The following ADGRB3 variants were observed in gnomAD, a reference collection of about 807,000 sequenced individuals.
The protein encoded by ADGRB3 is adhesion G protein-coupled receptor B3.
Under a neutral mutation model 193.4 loss-of-function variants are expected in ADGRB3, and 37 were observed. The observed-to-expected ratio is 0.19, with a 90% CI of 0.15 to 0.25. The LOEUF (loss-of-function observed/expected upper bound fraction) is 0.25. ADGRB3 is among the 10% of genes least tolerant of loss of function. The pLI is 1.00. For missense variants in ADGRB3, 1,637 were observed against 1,852.9 expected, an observed-to-expected ratio of 0.88 and a Z score of 2.14; for synonymous variants, 690 against 644.2, an observed-to-expected ratio of 1.07 and a Z score of -1.08.
chr6:69,141,805 T>C (rs1444705823), intron 17 of ADGRB3, among the ~76,000 whole-genome samples: 1 of 152,198 alleles, frequency 6.6e-6, no homozygotes, highest in African/African-American at 2.4e-5. Flanking sequence ...AATTAGTGTA[T>C]TTTAGTTATG....
intron 17 of ADGRB3, 116 bp downstream of exon 17, chr6:69,076,154 G>GAA (rs35445308): frequency 2.8e-3 from 1,914 of 689,400 alleles, no homozygotes; most frequent in South Asian, 4.3e-3. Flanking sequence ...TGCATTCAGA[G>GAA]AAAAAAAAAT....
At chr6:69,201,385 C>T (rs937019386) in intron 17 of ADGRB3, among the ~76,000 whole-genome samples, 1 of 151,856 alleles carries the variant, frequency 6.6e-6, no homozygotes, top group Non-Finnish European at 1.5e-5. Flanking sequence ...TACATATGGC[C>T]CTTTTGACTA....
chr6:68,793,141 G>A (rs1002245822), intron 3 of ADGRB3, among the ~76,000 whole-genome samples: 1 of 151,970 alleles, frequency 6.6e-6, no homozygotes, highest in Admixed American at 6.6e-5. Context: ...GCACATAATT[G>A]TAACTAAGTA....
intron 3 of ADGRB3, among the ~76,000 whole-genome samples, chr6:68,660,913 G>GA (rs1437049507): frequency 6.6e-6 from 1 of 150,812 alleles, no homozygotes; most frequent in Non-Finnish European, 1.5e-5. Flanking sequence ...ATGGCTGTCA[G>GA]AAAATCATGA....
At chr6:69,331,100 A>C (rs953040898) in intron 23 of ADGRB3, among the ~76,000 whole-genome samples, 1 of 152,068 alleles carries the variant, frequency 6.6e-6, no homozygotes, top group Non-Finnish European at 1.5e-5. Context: ...TACCTACTAC[A>C]TACCAGTAGT....
At chr6:68,776,780 G>A (rs905449690) in intron 3 of ADGRB3, among the ~76,000 whole-genome samples, 1 of 152,114 alleles carries the variant, frequency 6.6e-6, no homozygotes, top group Non-Finnish European at 1.5e-5. Context: ...AAAAGCTGTA[G>A]TCTGTGTCAC....
chr6:69,007,693 T>TCTCTCA lies in ADGRB3; in HGVS notation c.1930-6344_1930-6343insTCTCAC, dbSNP rs1232770873. Among the ~76,000 whole-genome samples, 559 of 90,140 alleles carry TCTCTCA rather than the reference T, an allele frequency of 6.2e-3. 4 individuals carry two copies. The highest frequency in any genetic ancestry group is 0.016 in the African/African-American group (400 of 24,922). The allele number at this position is 90,140 out of a possible 152,430, so 59.1% of individuals were successfully genotyped here. On this transcript the variant is annotated intron_variant, in intron 11 of 31. Coordinates refer to ENST00000370598, the MANE Select transcript of ADGRB3 (RefSeq NM_001704.3). ...CTCTCTCTCTCTCTCTCTCTCTCTC[T>TCTCTCA]CACACACACACACACACACACACAC...
At chr6:69,041,739 G>A (rs749467063) in intron 13 of ADGRB3, among the ~76,000 whole-genome samples, 4 of 152,064 alleles carry the variant, frequency 2.6e-5, no homozygotes, top group Non-Finnish European at 5.9e-5. Context: ...CTAGTAGGCT[G>A]TGTGTGCTGT....
At chr6:69,067,476 A>G (rs1208229455) in intron 16 of ADGRB3, among the ~76,000 whole-genome samples, 1 of 152,178 alleles carries the variant, frequency 6.6e-6, no homozygotes, top group Non-Finnish European at 1.5e-5. Flanking sequence ...AGCATGAGAA[A>G]CAATGAAAAG....
chr6:69,120,636 T>G (rs921872974), intron 17 of ADGRB3, among the ~76,000 whole-genome samples: 1 of 152,206 alleles, frequency 6.6e-6, no homozygotes, highest in African/African-American at 2.4e-5. Context: ...TTAAGCACCC[T>G]GTAAGTACTA....
intron 16 of ADGRB3, among the ~76,000 whole-genome samples, chr6:69,072,164 C>G (rs980920981): frequency 6.6e-6 from 1 of 151,998 alleles, no homozygotes; most frequent in African/African-American, 2.4e-5. Flanking sequence ...TTCAAATGTT[C>G]GAACTATTGA....
chr6:68,777,881 A>T (rs1766779717), intron 3 of ADGRB3, among the ~76,000 whole-genome samples: 2 of 152,160 alleles, frequency 1.3e-5, no homozygotes, highest in South Asian at 2.1e-4. Flanking sequence ...GTTTCAGCTG[A>T]TGTTTGAAAC....
At chr6:68,716,497 A>C (rs549385174) in intron 3 of ADGRB3, among the ~76,000 whole-genome samples, 2 of 151,554 alleles carry the variant, frequency 1.3e-5, no homozygotes, top group South Asian at 4.1e-4. Flanking sequence ...GACCCGCTAA[A>C]ATTTGCATCA....
intron 20 of ADGRB3, among the ~76,000 whole-genome samples, chr6:69,266,544 G>A (rs1467864571): frequency 1.3e-5 from 2 of 151,720 alleles, no homozygotes; most frequent in East Asian, 3.9e-4. Flanking sequence ...ATTTATTTAG[G>A]GTATTAATCT....
chr6:69,112,136 C>A (rs544506771), intron 17 of ADGRB3, among the ~76,000 whole-genome samples: 1 of 152,220 alleles, frequency 6.6e-6, no homozygotes, highest in Non-Finnish European at 1.5e-5. Flanking sequence ...ATAGGCAGGC[C>A]GTCCAGAGAC....
At chr6:68,804,980 T>A (rs1444790344) in intron 3 of ADGRB3, among the ~76,000 whole-genome samples, 1 of 152,062 alleles carries the variant, frequency 6.6e-6, no homozygotes, top group Non-Finnish European at 1.5e-5. Context: ...CGGGCTGGAG[T>A]GCAGTGGCAT....
chr6:68,725,817 T>A (rs1404797985), intron 3 of ADGRB3, among the ~76,000 whole-genome samples: 1 of 151,506 alleles, frequency 6.6e-6, no homozygotes, highest in East Asian at 1.9e-4. Flanking sequence ...GGGGGACCAT[T>A]GACAGATGTT....
In ADGRB3 at chr6:69,388,814, C is replaced by T; in HGVS notation, c.4492C>T (p.Leu1498=). The change falls in exon 32 of 32, where the codon CTG becomes TTG. Residue 1498 remains leucine (L), a synonymous_variant. Coordinates refer to ENST00000370598, the MANE Select transcript of ADGRB3 (RefSeq NM_001704.3). ...LDTEAKDALE[L]RPAEWEKCLN... is the part of the protein sequence containing the mutation. The stretch of plus-strand genomic sequence containing the variant: ...CACAGAGGCAAAGGATGCTTTGGAA[C>T]TGAGGCCAGCAGAGTGGGAGAAGTG... 6.2e-7 allele frequency: 1 copy of T among 1,613,544 alleles called. No individual in the cohort carries two copies. The highest frequency in any genetic ancestry group is 1.3e-5 in the African/African-American group (1 of 75,008).
chr6:68,841,882 T>C (rs1039978008), intron 3 of ADGRB3, among the ~76,000 whole-genome samples: 1 of 151,944 alleles, frequency 6.6e-6, no homozygotes, highest in African/African-American at 2.4e-5. Flanking sequence ...AGTGAGGGTG[T>C]GTGTGTGGCA....
Sources: gnomAD v4.1 joint callset for allele counts (sites outside exome capture counted in the v4.1 genomes callset) on GRCh38, gnomAD v4.1.1 for gene constraint, MANE v1.5 for transcripts, NCBI Gene and HGNC (gene_info 2026-07-23, HGNC 2026-07-21) for gene names.